Variants in ZNF195 observed in about 807,000 individuals in gnomAD.
ZNF195 encodes hypoxia-regulated factor-1.
A neutral mutation model predicts 19.5 loss-of-function variants in ZNF195; 11 were observed. The ratio of observed to expected loss-of-function variants is 0.57; its 90% CI spans 0.36 to 0.94. ZNF195 has a LOEUF of 0.94. Among genes scored for constraint, ZNF195 ranks in the 40% least tolerant of loss-of-function variants. The pLI is 0.01. For missense variants in ZNF195, 582 were observed against 709.0 expected (o/e 0.82, Z 2.03); for synonymous variants, 214 against 248.1 (o/e 0.86, Z 1.29).
intron 3 of ZNF195, chr11:3,369,649 CT>C: frequency 3.4e-6 from 1 of 290,876 alleles, no homozygotes; most frequent in East Asian, 9.9e-5. Flanking sequence ...AAGACAGAGA[CT>C]GCACGTTCCC....
In ZNF195 at chr11:3,371,597, T is replaced by C; in HGVS notation, c.110A>G (p.Tyr37Cys). 1 of 1,614,176 alleles carries C rather than the reference T, an allele frequency of 6.2e-7. No individual in the cohort carries two copies. The highest frequency in any genetic ancestry group is 8.5e-7 in the Non-Finnish European group (1 of 1,179,996). Residue 37 changes from tyrosine to cysteine, a missense_variant, in exon 2 of 6, where the codon TAC becomes TGC. This residue lies in a region of ZNF195 where 46 missense variants were observed against 66.5 expected (regional missense o/e 0.69). Coordinates refer to ENST00000399602, the MANE Select transcript of ZNF195 (RefSeq NM_001130520.3). ...NLYRDVMLEN[Y>C]RNLFSVGLTV... ...CTCACCAACGGAGAACAAGTTTCTG[T>C]AGTTCTCCAACATCACATCCCTGTA...
chr11:3,371,808 G>C, intron 1 of ZNF195, 105 bp from the exon 2 acceptor site: 1 of 1,329,760 alleles, frequency 7.5e-7, no homozygotes, highest in Admixed American at 2.5e-5. Flanking sequence ...TATACAATAA[G>C]GTAATTCTTA....
Position 3,358,779 on chromosome 11 carries a change from CCA to C in ZNF195, c.*337_*338del. On this transcript the variant is annotated 3_prime_UTR_variant, in exon 6 of 6. Transcript: ENST00000399602. The stretch of plus-strand genomic sequence containing the variant: ...CTGAACGTGTCCTTGCTTATTTTTC[CCA>C]TTTAGTGTATTTGCAAAATATCTTT... The C allele has an allele frequency of 6.8e-5, 1 of 14,716 alleles. No individual in the cohort carries two copies. Among genetic ancestry groups the C allele is most frequent in the Non-Finnish European group, 1.1e-4 (1 of 9,126 alleles). 0.9% of individuals were successfully genotyped at this position (14,716 alleles called of 1,614,324 possible).
In ZNF195 at chr11:3,359,992, C is replaced by T. The variant is rs1848549356; in HGVS notation, c.1016G>A (p.Cys339Tyr). ...ATGCTCATGTTCAGTAAGGTGGGAG[C>T]ACTGGTTAAATACTTTGCCAAATTC... ...CEEFGKVFNQCSHLTEHEHGT... is the reference protein window; with the variant it reads ...CEEFGKVFNQYSHLTEHEHGT... The change falls in exon 6 of 6, where the codon TGC becomes TAC. Residue 339 changes from cysteine (C) to tyrosine (Y), a missense_variant. Around this residue, in one of 3 missense-constraint regions of ZNF195, gnomAD observed 407 missense variants for 530.5 expected, o/e 0.77. Transcript: ENST00000399602. This position sits in a 1 kb window ranked among gnomAD's most constrained non-coding sequence, Gnocchi z 5.5. The T allele has an allele frequency of 6.2e-7, 1 of 1,613,922 alleles. No homozygotes were observed. The highest frequency in any genetic ancestry group is 1.7e-5 in the Admixed American group (1 of 60,006).
intron 1 of ZNF195, among the ~76,000 whole-genome samples, chr11:3,378,300 A>G (rs1165339597): frequency 1.3e-5 from 2 of 151,842 alleles, no homozygotes; most frequent in Non-Finnish European, 2.9e-5. Flanking sequence ...ACAGAGCGAG[A>G]CTCCATCTCA....
rs562812545 is a variant in ZNF195 at position 3,361,789 on chromosome 11, G to A, written c.327C>T (p.Asn109=). 1.7e-6 allele frequency: 2 copies of A among 1,148,282 alleles called. No homozygotes were observed. Among genetic ancestry groups the A allele is most frequent in the South Asian group, 2.6e-5 (2 of 77,820 alleles). 71.1% of individuals were successfully genotyped at this position (1,148,282 alleles called of 1,614,324 possible). A position where few individuals can be genotyped will look rare whatever the true frequency, so the allele number is the denominator to read the frequency against. Residue 109 remains asparagine, a synonymous_variant, in exon 4 of 6, where the codon AAC becomes AAT. Transcript: ENST00000399602. The part of the protein sequence containing the change: ...ASQSAGITGV[N]HRAQPGLNVS... ...CATTGAGGCCTGGCTGGGCACGGTG[G>A]TTCACACCTGTAATCCCAGCACTTT... is the stretch of plus-strand genomic sequence containing the variant.
At chr11:3,371,157 A>G (rs1399248410) in intron 2 of ZNF195, 87 bp from the exon 3 acceptor site, 8 of 1,248,994 alleles carry the variant, frequency 6.4e-6, no homozygotes, top group Non-Finnish European at 8.9e-6. Flanking sequence ...TGAACATTAT[A>G]TAAGATTCTA....
rs1388973664 is a variant in ZNF195 at position 3,361,844 on chromosome 11, C to T, written c.272G>A (p.Gly91Asp). The T allele has an allele frequency of 1.2e-5, 7 of 589,598 alleles. No homozygotes were observed. In the East Asian group the frequency reaches 4.7e-4, roughly 40 times the overall value. 36.5% of individuals were successfully genotyped at this position (589,598 alleles called of 1,614,324 possible). Residue 91 changes from glycine to aspartate, a missense_variant, in exon 4 of 6, where the codon GGC (glycine) becomes GAC (aspartate). Around this residue, in one of 3 missense-constraint regions of ZNF195, gnomAD observed 129 missense variants for 112.1 expected, o/e 1.15. Transcript: ENST00000399602. ...GGCTGAGGCAGGCAGATCGCTTGAG[C>T]CCAGGAGTTCAAGACAAGCCTGAGT... Reference protein sequence around the residue: ...HATQACLELLGSSDLPASASQ... With the variant: ...HATQACLELLDSSDLPASASQ...
chr11:3,359,601 T>C lies in ZNF195; in HGVS notation c.1407A>G (p.Glu469=), dbSNP rs377229792. The C allele has an allele frequency of 2.5e-6, 4 of 1,614,172 alleles. No individual in the cohort carries two copies. The African/African-American group carries it at 5.3e-5, about 22-fold the overall frequency. ...AAGTTCTGAAGACCTTCCCACATTC[T>C]TCACATTGGTAGGGTTTCTCTCCGG... The part of the protein sequence containing the change: ...IHTGEKPYQC[E]ECGKVFRTCS... Residue 469 remains glutamate, a synonymous_variant, in exon 6 of 6, where the codon GAA becomes GAG. Coordinates refer to ENST00000399602, the MANE Select transcript of ZNF195 (RefSeq NM_001130520.3). This position sits in a 1 kb window ranked among gnomAD's most constrained non-coding sequence, Gnocchi z 5.5.
At position 3,360,037 on chromosome 11, in the gene ZNF195, C is replaced by T. The variant is rs2134683799; in HGVS notation, c.971G>A (p.Gly324Glu). 1 of 1,613,974 alleles carries T rather than the reference C, an allele frequency of 6.2e-7. No homozygotes were observed. Among genetic ancestry groups the T allele is most frequent in the Non-Finnish European group, 8.5e-7 (1 of 1,180,020 alleles). Residue 324 changes from glycine (G) to glutamate (E), a missense_variant, in exon 6 of 6, where the codon GGG becomes GAG. Gly to Glu is a moderately conservative substitution (Grantham distance 98). Around this residue, in one of 3 missense-constraint regions of ZNF195, gnomAD observed 407 missense variants for 530.5 expected, o/e 0.77. Transcript: ENST00000399602. Reference protein sequence around the residue: ...VLTKNRIYAGGEHYRCEEFGK... With the variant: ...VLTKNRIYAGEEHYRCEEFGK... Reference sequence around the variant, plus strand: ...AAATTCTTCACATCTGTAATGTTCCCCTCCGGCATAAATTCTATTTTTAGT... The same window carrying T: ...AAATTCTTCACATCTGTAATGTTCCTCTCCGGCATAAATTCTATTTTTAGT...
At chr11:3,373,482 A>G (rs781547931) in intron 1 of ZNF195, 10 of 961,950 alleles carry the variant, frequency 1.0e-5, no homozygotes, top group Non-Finnish European at 1.6e-6. Flanking sequence ...CTATGGAGAA[A>G]CACCACAAGT....
At chr11:3,366,923 G>T (rs908216053) in intron 3 of ZNF195, 1 of 454,264 alleles carries the variant, frequency 2.2e-6, no homozygotes, top group South Asian at 1.6e-5. Context: ...AAGTTAGCTG[G>T]GTGTGGCGGT....
chr11:3,359,226 A>C lies in ZNF195; in HGVS notation c.1782T>G (p.Ile594Met), dbSNP rs776102952. Residue 594 changes from isoleucine to methionine, a missense_variant, in exon 6 of 6, where the codon ATT (isoleucine) becomes ATG (methionine). Physicochemically the swap from Ile to Met is conservative, Grantham distance 10 (BLOSUM62 1). Transcript: ENST00000399602. This position sits in a 1 kb window ranked among gnomAD's most constrained non-coding sequence, Gnocchi z 5.5. ...CTCCAGTATGAATTCTCTTATGTAC[A>C]ATAAGGTTTGAGGACTGGGTAAAGT... Reference protein sequence around the residue: ...GKNFTQSSNLIVHKRIHTGEK... With the variant: ...GKNFTQSSNLMVHKRIHTGEK... 8.1e-6 allele frequency: 13 copies of C among 1,614,168 alleles called. No individual in the cohort carries two copies. In the Admixed American group the frequency reaches 1.8e-4, roughly 23 times the overall value.
chr11:3,376,122 C>T (rs1316020859), intron 1 of ZNF195, among the ~76,000 whole-genome samples: 1 of 152,176 alleles, frequency 6.6e-6, no homozygotes, highest in Non-Finnish European at 1.5e-5. Flanking sequence ...TCCTTCCATC[C>T]CAACTCTAAC....
In ZNF195 at chr11:3,375,993, G is replaced by C. The variant is rs1490611705; in HGVS notation, c.3+3045C>G. On this transcript the variant is annotated intron_variant, in intron 1 of 5. Transcript: ENST00000399602. ...TGATAGTTGCTACCTTCTCCCTGTT[G>C]CAATCCTCCTTTAGAGTTCAATAAC... Among the ~76,000 whole-genome samples, 5 of 152,042 alleles carry C rather than the reference G, an allele frequency of 3.3e-5. No individual in the cohort carries two copies. In the East Asian group the frequency reaches 7.7e-4, roughly 23 times the overall value.
At chr11:3,375,566 C>T (rs1162817060) in intron 1 of ZNF195, 1 of 152,172 alleles carries the variant, frequency 6.6e-6, no homozygotes, top group East Asian at 1.9e-4. Context: ...TTCATGCTGA[C>T]CCCAAGACGC....
Position 3,358,085 on chromosome 11 carries a change from C to G in ZNF195, c.*1033G>C, listed in dbSNP as rs372900294. ...GGAGAACTGGGTTGGGGTGGGGGAG[C>G]TTAGTCGAGGGTGCAGGTGTCTTGT... is the stretch of plus-strand genomic sequence containing the variant. On this transcript the variant is annotated 3_prime_UTR_variant, in exon 6 of 6. Coordinates refer to ENST00000399602, the MANE Select transcript of ZNF195 (RefSeq NM_001130520.3). 1.3e-5 allele frequency: 2 copies of G among 152,018 alleles called. No individual in the cohort carries two copies. Among genetic ancestry groups the G allele is most frequent in the African/African-American group, 4.8e-5 (2 of 41,326 alleles). 9.4% of individuals were successfully genotyped at this position (152,018 alleles called of 1,614,324 possible).
intron 1 of ZNF195, among the ~76,000 whole-genome samples, chr11:3,374,764 T>C (rs1466929118): frequency 6.6e-6 from 1 of 152,228 alleles, no homozygotes; most frequent in East Asian, 1.9e-4. Flanking sequence ...GATAGACCAA[T>C]GGAAGGGATA....
intron 3 of ZNF195, among the ~76,000 whole-genome samples, chr11:3,364,687 A>G (rs955996907): frequency 4.6e-5 from 7 of 152,234 alleles, no homozygotes; most frequent in Admixed American, 4.6e-4. Context: ...CACAATGAGA[A>G]AAGAATGAAA....
Sources: gnomAD v4.1 joint callset for allele counts (sites outside exome capture counted in the v4.1 genomes callset) on GRCh38, gnomAD v4.1.1 for gene constraint, gnomAD v4.1.1 regional missense constraint, Gnocchi (gnomAD v3.1) non-coding constraint, MANE v1.5 for transcripts, NCBI Gene and HGNC (gene_info 2026-07-23, HGNC 2026-07-21) for gene names.